The following INPP4B variants were observed in gnomAD, a reference collection of about 807,000 sequenced individuals.
INPP4B encodes inositol polyphosphate-4-phosphatase type II B, also known as inositol polyphosphate 4-phosphatase type II.
A neutral mutation model predicts 122.5 loss-of-function variants in INPP4B; 55 were observed. The observed-to-expected ratio is 0.45, with a 90% CI of 0.36 to 0.56. The LOEUF (loss-of-function observed/expected upper bound fraction) is 0.56, where lower values mean the gene tolerates loss of function less well. INPP4B is among the 20% of genes least tolerant of loss of function. The pLI, the probability that INPP4B is intolerant of heterozygous loss-of-function variation, is 0.00. For synonymous variants in INPP4B, 403 were observed against 388.7 expected (o/e 1.04, Z -0.43); for missense variants, 1,000 against 1,097.7 (o/e 0.91, Z 1.26).
chr4:142,842,958 A>G (rs1309249350), intron 1 of INPP4B, among the ~76,000 whole-genome samples: 1 of 143,420 alleles, frequency 7.0e-6, no homozygotes, highest in African/African-American at 2.5e-5. Flanking sequence ...ATACATATAT[A>G]AATTATATAT....
In INPP4B at chr4:142,837,614, C is replaced by T. The variant is rs76004175; in HGVS notation, c.-254+8595G>A. Among the ~76,000 whole-genome samples the T allele has an allele frequency of 2.1e-3, 324 of 152,152 alleles. 5 individuals are homozygous for T. In the East Asian group the frequency reaches 0.046, roughly 22 times the overall value. On this transcript the variant is annotated intron_variant, in intron 1 of 25. Coordinates refer to ENST00000262992, the MANE Select transcript of INPP4B (RefSeq NM_001101669.3). ...ATAAGAAGGGCTCAATAAATTTTAG[C>T]TTTTGTTGTTGTTGTTACAATCACA... is the stretch of plus-strand genomic sequence containing the variant.
intron 2 of INPP4B, among the ~76,000 whole-genome samples, chr4:142,691,582 G>A (rs1383209346): frequency 6.6e-6 from 1 of 151,996 alleles, no homozygotes; most frequent in Non-Finnish European, 1.5e-5. Flanking sequence ...CCCAGATTTA[G>A]AAAAAACACA....
At chr4:142,651,130 T>C (rs1255133467) in intron 2 of INPP4B, among the ~76,000 whole-genome samples, 1 of 152,006 alleles carries the variant, frequency 6.6e-6, no homozygotes, top group Non-Finnish European at 1.5e-5. Flanking sequence ...ACTGAGTAAA[T>C]AACAAAATTA....
chr4:142,169,329 A>G lies in INPP4B; in HGVS notation c.1359+4303T>C, dbSNP rs142260198. 3.3e-3 allele frequency among the ~76,000 whole-genome samples: 505 copies of G among 151,732 alleles called. 6 individuals are homozygous for G. Among genetic ancestry groups the G allele is most frequent in the African/African-American group, 0.012 (478 of 41,486 alleles). On this transcript the variant is annotated intron_variant, in intron 16 of 25. Coordinates refer to ENST00000262992, the MANE Select transcript of INPP4B (RefSeq NM_001101669.3). Reference sequence around the variant, plus strand: ...AGACTTCTAATACATACTTTTGCCAATCTTAAAAAAACAAACAAAATTTCT... The same window carrying G: ...AGACTTCTAATACATACTTTTGCCAGTCTTAAAAAAACAAACAAAATTTCT...
chr4:142,063,070 T>C (rs1227265052), intron 25 of INPP4B, among the ~76,000 whole-genome samples: 1 of 152,178 alleles, frequency 6.6e-6, no homozygotes, highest in Non-Finnish European at 1.5e-5. Context: ...AAAGCCTTCT[T>C]TTATATGTAA....
chr4:142,661,161 C>T (rs978305968), intron 2 of INPP4B, among the ~76,000 whole-genome samples: 1 of 152,114 alleles, frequency 6.6e-6, no homozygotes, highest in African/African-American at 2.4e-5. Context: ...TCCCTTTTCA[C>T]CCAATAAAAC....
chr4:142,676,358 G>A (rs1757775678), intron 2 of INPP4B, among the ~76,000 whole-genome samples: 1 of 152,014 alleles, frequency 6.6e-6, no homozygotes, highest in Non-Finnish European at 1.5e-5. Flanking sequence ...ACAAACGAAT[G>A]GAAAAACATT....
At chr4:142,249,526 A>G (rs984099582) in intron 11 of INPP4B, among the ~76,000 whole-genome samples, 2 of 152,210 alleles carry the variant, frequency 1.3e-5, no homozygotes, top group Admixed American at 6.5e-5. Flanking sequence ...ATGAAAATGA[A>G]TACTTTCATG....
chr4:142,753,091 A>C (rs1429009493), intron 1 of INPP4B, among the ~76,000 whole-genome samples: 3 of 152,096 alleles, frequency 2.0e-5, no homozygotes, highest in Non-Finnish European at 4.4e-5. Context: ...CAGAATCAGA[A>C]CTTTTTAGTA....
At position 142,465,405 on chromosome 4, in the gene INPP4B, T is replaced by C. The variant is rs1817586116; in HGVS notation, c.-190-2679A>G. Reference sequence around the variant, plus strand: ...TATTTAACATTTATCATTATCTTCATGATAAATGACCAAATAGGATATTTT... The same window carrying C: ...TATTTAACATTTATCATTATCTTCACGATAAATGACCAAATAGGATATTTT... On this transcript the variant is annotated intron_variant, in intron 2 of 25. Transcript: ENST00000262992. Among the ~76,000 whole-genome samples, 5 of 152,214 alleles carry C rather than the reference T, an allele frequency of 3.3e-5. No homozygotes were observed. The South Asian group carries it at 8.3e-4, about 25-fold the overall frequency.
In INPP4B at chr4:142,121,840, A is replaced by G. The variant is rs541411307; in HGVS notation, c.2135+288T>C. Among the ~76,000 whole-genome samples, 6 of 152,242 alleles carry G rather than the reference A, an allele frequency of 3.9e-5. No individual in the cohort carries two copies. In the South Asian group the frequency reaches 1.0e-3, roughly 26 times the overall value. ...CCAGAGCTTTGGATGAGATAGTAAT[A>G]AGGAGAAAAATGTTCTCATGCAGGC... On this transcript the variant is annotated intron_variant, in intron 21 of 25. Coordinates refer to ENST00000262992, the MANE Select transcript of INPP4B (RefSeq NM_001101669.3).
intron 14 of INPP4B, among the ~76,000 whole-genome samples, chr4:142,203,618 AACTT>A (rs1841562832): frequency 6.6e-6 from 1 of 152,002 alleles, no homozygotes; most frequent in African/African-American, 2.4e-5. Flanking sequence ...AAGGATGAAA[AACTT>A]AACTTAATGA....
intron 7 of INPP4B, among the ~76,000 whole-genome samples, chr4:142,390,192 A>G (rs746517754): frequency 6.6e-5 from 10 of 152,188 alleles, no homozygotes; most frequent in African/African-American, 1.2e-4. Flanking sequence ...ATTGGGGATA[A>G]CATTAAATAG....
intron 9 of INPP4B, among the ~76,000 whole-genome samples, chr4:142,303,891 T>C (rs1203199297): frequency 6.6e-6 from 1 of 152,146 alleles, no homozygotes; most frequent in Non-Finnish European, 1.5e-5. Context: ...ACCCTTCGGT[T>C]CTTGTCCTCT....
chr4:142,330,824 C>T (rs1561865568), intron 7 of INPP4B, among the ~76,000 whole-genome samples: 1 of 152,096 alleles, frequency 6.6e-6, no homozygotes, highest in Non-Finnish European at 1.5e-5. Flanking sequence ...CTTGCTGCCT[C>T]GGGGCTTAAA....
chr4:142,297,170 T>C (rs2151056046), intron 9 of INPP4B, among the ~76,000 whole-genome samples: 1 of 152,344 alleles, frequency 6.6e-6, no homozygotes, highest in South Asian at 2.1e-4. Context: ...CTCTGGCATG[T>C]TGCCTGATTC....
In INPP4B at chr4:142,418,558, T is replaced by A. The variant is rs143971020; in HGVS notation, c.136+10615A>T. ...CTTGAGAGTGTTAGGGACTGGTAGA[T>A]CAGGCAAATGTTCTCTGATGAGGTG... On this transcript the variant is annotated intron_variant, in intron 5 of 25. Transcript: ENST00000262992. Among the ~76,000 whole-genome samples the A allele has an allele frequency of 5.4e-3, 823 of 152,016 alleles. 2 individuals carry two copies. Among genetic ancestry groups the A allele is most frequent in the African/African-American group, 0.019 (794 of 41,368 alleles).
intron 2 of INPP4B, among the ~76,000 whole-genome samples, chr4:142,662,076 A>G (rs897852844): frequency 6.6e-6 from 1 of 152,118 alleles, no homozygotes; most frequent in African/African-American, 2.4e-5. Context: ...TACTAAAAGT[A>G]CAAACAAAAT....
chr4:142,092,107 T>G (rs1406520610), intron 23 of INPP4B, among the ~76,000 whole-genome samples: 1 of 152,182 alleles, frequency 6.6e-6, no homozygotes, highest in African/African-American at 2.4e-5. Context: ...GATATGCAAG[T>G]GGCCTGTGCT....
Sources: gnomAD v4.1 joint callset for allele counts (sites outside exome capture counted in the v4.1 genomes callset) on GRCh38, gnomAD v4.1.1 for gene constraint, MANE v1.5 for transcripts, NCBI Gene and HGNC (gene_info 2026-07-23, HGNC 2026-07-21) for gene names.